The following STAB1 variants were observed in gnomAD, a reference collection of about 807,000 sequenced individuals.
STAB1 encodes the protein stabilin-1.
STAB1 carries 250 observed loss-of-function variants against 332.4 expected under a neutral mutation model. The observed-to-expected ratio is 0.75, with a 90% CI of 0.68 to 0.84. The LOEUF (loss-of-function observed/expected upper bound fraction) is 0.84, where lower values mean the gene tolerates loss of function less well. STAB1 is among the 40% of genes least tolerant of loss of function. STAB1 has a pLI of 0.00. For missense variants in STAB1, 3,249 were observed against 3,489.7 expected, an observed-to-expected ratio of 0.93 and a Z score of 1.74; for synonymous variants, 1,475 against 1,390.4, an observed-to-expected ratio of 1.06 and a Z score of -1.35.
At chr3:52,520,621 A>C in intron 53 of STAB1, 21 bp from the exon 54 acceptor site, 1 of 1,610,698 alleles carries the variant, frequency 6.2e-7, no homozygotes, top group South Asian at 1.1e-5. Flanking sequence ...ACTTTGCTGT[A>C]TTGGCCTCCC....
chr3:52,509,474 G>A, intron 22 of STAB1, 153 bp downstream of exon 22: 2 of 673,692 alleles, frequency 3.0e-6, no homozygotes, highest in South Asian at 3.9e-5. Flanking sequence ...GGGTCTGGGG[G>A]CTCTCAAGAA....
chr3:52,504,972 G>A, intron 12 of STAB1, 31 bp from the exon 13 acceptor site: 6 of 1,613,086 alleles, frequency 3.7e-6, no homozygotes, highest in Non-Finnish European at 4.2e-6. Flanking sequence ...CTGGCATATG[G>A]GATCTGGCCA....
chr3:52,519,607 C>G (rs752607237), intron 50 of STAB1, 43 bp downstream of exon 50: 1 of 1,570,894 alleles, frequency 6.4e-7, no homozygotes, highest in Admixed American at 1.8e-5. Context: ...CACACATGCA[C>G]GTGTAAGTGT....
At position 52,509,334 on chromosome 3, in the gene STAB1, G is replaced by C; in HGVS notation, c.2347+13G>C. The C allele has an allele frequency of 6.2e-7, 1 of 1,610,898 alleles. No homozygotes were observed. Among genetic ancestry groups the C allele is most frequent in the Non-Finnish European group, 8.5e-7 (1 of 1,178,250 alleles). ...CAATGCCAGGAAGGTGGGTGGTCCT[G>C]GCTCAGGCCACCTCCTAGGGAGAAA... On this transcript the variant is annotated intron_variant, in intron 22 of 68. Transcript: ENST00000321725.
rs748371625 is a variant in STAB1, at chr3:52,514,974, C to G, written c.3808-15C>G. 6.2e-6 allele frequency: 10 copies of G among 1,613,402 alleles called. No individual in the cohort carries two copies. The highest frequency in any genetic ancestry group is 2.2e-5 in the South Asian group (2 of 91,072). On this transcript the variant is annotated splice_polypyrimidine_tract_variant and intron_variant, in intron 35 of 68. Transcript: ENST00000321725. Reference sequence around the variant, plus strand: ...AGGCCTGGACTGCCTGATGCCCCACCCTTTTTCCCTCTAGGAGAAATGTGT... The same window carrying G: ...AGGCCTGGACTGCCTGATGCCCCACGCTTTTTCCCTCTAGGAGAAATGTGT...
Position 52,503,815 on chromosome 3 carries a change from A to T in STAB1, c.935A>T (p.Asn312Ile). 6.2e-7 allele frequency: 1 copy of T among 1,613,186 alleles called. No individual in the cohort carries two copies. The highest frequency in any genetic ancestry group is 8.5e-7 in the Non-Finnish European group (1 of 1,180,006). ...CCAGGCCTGGTCAGCATCAACAGCA[A>T]CGCTTCTGCGGGCTGCTTCGCCTTC... ...CRPGLVSINS[N>I]ASAGCFAFCS... Residue 312 changes from asparagine (N) to isoleucine (I), a missense_variant, in exon 9 of 69, where the codon AAC becomes ATC. By Grantham distance (149) the Asn-to-Ile change is moderately radical. Coordinates refer to ENST00000321725, the MANE Select transcript of STAB1 (RefSeq NM_015136.3).
Position 52,516,201 on chromosome 3 carries a change from G to A in STAB1, c.4107G>A (p.Val1369=). The A allele has an allele frequency of 1.2e-6, 2 of 1,612,508 alleles. No homozygotes were observed. Among genetic ancestry groups the A allele is most frequent in the South Asian group, 1.1e-5 (1 of 91,068 alleles). ...HEGFHGTACE[V]CELGRYGPNC... is the part of the protein sequence containing the mutation. ...GCTTCCATGGAACGGCCTGTGAGGT[G>A]TGTGAGCTGGGCCGCTACGGGCCCA... Residue 1369 remains valine (V), a synonymous_variant, in exon 38 of 69, where the codon GTG becomes GTA. Transcript: ENST00000321725.
At position 52,503,813 on chromosome 3, in the gene STAB1, C is replaced by T; in HGVS notation, c.933C>T (p.Ser311=). ...GGCCAGGCCTGGTCAGCATCAACAG[C>T]AACGCTTCTGCGGGCTGCTTCGCCT... is the stretch of plus-strand genomic sequence containing the variant. ...TCRPGLVSIN[S]NASAGCFAFC... is the part of the protein sequence containing the mutation. Residue 311 remains serine (S), a synonymous_variant, in exon 9 of 69, where the codon AGC becomes AGT. Coordinates refer to ENST00000321725, the MANE Select transcript of STAB1 (RefSeq NM_015136.3). 8 of 1,613,266 alleles carry T rather than the reference C, an allele frequency of 5.0e-6. No homozygotes were observed. Among genetic ancestry groups the T allele is most frequent in the Non-Finnish European group, 5.9e-6 (7 of 1,180,038 alleles).
At chr3:52,508,704 C>T (rs960510828) in intron 21 of STAB1, among the ~76,000 whole-genome samples, 2 of 152,044 alleles carry the variant, frequency 1.3e-5, no homozygotes, top group African/African-American at 4.8e-5. Context: ...CACCTGTAAT[C>T]CCAGCTACTC....
chr3:52,502,176 A>T lies in STAB1; in HGVS notation c.435A>T (p.Ser145=). 1 of 1,613,416 alleles carries T rather than the reference A, an allele frequency of 6.2e-7. No individual in the cohort carries two copies. Among genetic ancestry groups the T allele is most frequent in the Non-Finnish European group, 8.5e-7 (1 of 1,180,000 alleles). The part of the protein sequence containing the change: ...TCVCQENFRG[S]ACQECQDPNR... The stretch of plus-strand genomic sequence containing the variant: ...ACCACCAGGAAAACTTCCGCGGCTC[A>T]GCCTGCCAGGAGTGCCAAGACCCCA... The change falls in exon 5 of 69, where the codon TCA becomes TCT. Residue 145 remains serine (S), a synonymous_variant. Transcript: ENST00000321725.
At chr3:52,506,877 C>T in intron 18 of STAB1, 27 bp downstream of exon 18, 2 of 1,609,610 alleles carry the variant, frequency 1.2e-6, no homozygotes, top group Non-Finnish European at 1.7e-6. Flanking sequence ...CGGCCAGGGC[C>T]CTACTCACTA....
rs35325270 is a variant in STAB1 at position 52,522,353 on chromosome 3, C to T, written c.6489C>T (p.His2163=). The change falls in exon 60 of 69, where the codon CAC becomes CAT. Residue 2163 remains histidine, a synonymous_variant. Coordinates refer to ENST00000321725, the MANE Select transcript of STAB1 (RefSeq NM_015136.3). ...AGAACACACGGCGCTGTGAGTGCCA[C>T]GCAGGCTACGTAGGCGATGGACTGC... ...TGLNTRRCEC[H]AGYVGDGLQC... is the part of the protein sequence containing the mutation. 0.091 allele frequency: 146,188 copies of T among 1,612,868 alleles called. 9,540 individuals carry two copies. Among genetic ancestry groups the T allele is most frequent in the African/African-American group, 0.34 (25,127 of 74,962 alleles).
At position 52,512,375 on chromosome 3, in the gene STAB1, T is replaced by C. The variant is rs751712517; in HGVS notation, c.2918T>C (p.Val973Ala). ...TCRAVGGGQR[V>A]CTCPPGFGGD... The stretch of plus-strand genomic sequence containing the variant: ...CGGGCAGTGGGGGGAGGTCAGCGGG[T>C]CTGCACGTGCCCCCCTGGCTTTGGG... The change falls in exon 27 of 69, where the codon GTC becomes GCC. Residue 973 changes from valine (V) to alanine (A), a missense_variant. Val to Ala is a moderately conservative substitution (Grantham distance 64). Transcript: ENST00000321725. The C allele has an allele frequency of 6.2e-7, 1 of 1,611,960 alleles. No homozygotes were observed. Among genetic ancestry groups the C allele is most frequent in the Non-Finnish European group, 8.5e-7 (1 of 1,179,406 alleles).
rs1341656463 is a variant in STAB1, at chr3:52,513,721, T to A, written c.3275T>A (p.Val1092Asp). ...RWEIRNISGR[V>D]WVQNASVDVA... The stretch of plus-strand genomic sequence containing the variant: ...AGCTCTGCTGCTGCCTTCCAGAGGG[T>A]CTGGGTGCAGAATGCCAGCGTGGAT... Residue 1092 changes from valine to aspartate, a missense_variant, in exon 31 of 69, where the codon GTC (valine) becomes GAC (aspartate). Transcript: ENST00000321725. 6.2e-7 allele frequency: 1 copy of A among 1,612,878 alleles called. No individual in the cohort carries two copies. The highest frequency in any genetic ancestry group is 8.5e-7 in the Non-Finnish European group (1 of 1,179,898).
In STAB1 at chr3:52,504,820, C is replaced by T. The variant is rs754100433; in HGVS notation, c.1321C>T (p.Arg441Ter). 14 of 1,613,750 alleles carry T rather than the reference C, an allele frequency of 8.7e-6. No individual in the cohort carries two copies. The highest frequency in any genetic ancestry group is 1.3e-5 in the African/African-American group (1 of 74,926). ...ILEDTRTQQT[R>*]RWWTLAGQEI... is the part of the protein sequence containing the mutation. ...GGAGGACACAAGGACCCAACAAACACGAAGGTGGTGGACGCTGGCCGGGCA... is the reference window on the plus strand; with the variant it reads ...GGAGGACACAAGGACCCAACAAACATGAAGGTGGTGGACGCTGGCCGGGCA... Residue 441 changes from arginine to a stop codon, truncating the protein, a stop_gained, in exon 12 of 69, where the codon CGA becomes TGA. Transcript: ENST00000321725. LOFTEE classifies it high-confidence loss of function.
In STAB1 at chr3:52,521,535, G is replaced by A. The variant is rs369129954; in HGVS notation, c.6058+25G>A. 68 of 1,613,792 alleles carry A rather than the reference G, an allele frequency of 4.2e-5. No homozygotes were observed. In the Admixed American group the frequency reaches 4.7e-4, roughly 11 times the overall value. Reference sequence around the variant, plus strand: ...GGTGGGCCATCCCTGCCTGCCCCACGGCCCGATTCCTTTGGCCCTTGTGGG... The same window carrying A: ...GGTGGGCCATCCCTGCCTGCCCCACAGCCCGATTCCTTTGGCCCTTGTGGG... On this transcript the variant is annotated intron_variant, in intron 56 of 68. Transcript: ENST00000321725.
At chr3:52,515,928 G>A (rs1402100646) in intron 37 of STAB1, 115 bp from the exon 38 acceptor site, 1 of 1,172,914 alleles carries the variant, frequency 8.5e-7, no homozygotes, top group Non-Finnish European at 1.2e-6. Context: ...CCCTGGGACT[G>A]GGGTTCTGAG....
rs940543905 is a variant in STAB1 at position 52,520,883 on chromosome 3, T to C, written c.5786T>C (p.Val1929Ala). The change falls in exon 55 of 69, where the codon GTC becomes GCC. Residue 1929 changes from valine (V) to alanine (A), a missense_variant. Physicochemically the swap from Val to Ala is moderately conservative, Grantham distance 64 (BLOSUM62 0). Coordinates refer to ENST00000321725, the MANE Select transcript of STAB1 (RefSeq NM_015136.3). ...PPLHSLGLRS[V>A]WVHPSLWGRP... ...CTGCACTCTTTGGGATTACGCAGCG[T>C]CTGGGTCCACCCCAGCCTTTGGGGT... 2 of 1,612,028 alleles carry C rather than the reference T, an allele frequency of 1.2e-6. No individual in the cohort carries two copies. Among genetic ancestry groups the C allele is most frequent in the Non-Finnish European group, 8.5e-7 (1 of 1,179,654 alleles).
chr3:52,501,356 G>A, intron 2 of STAB1, 54 bp downstream of exon 2: 2 of 1,590,548 alleles, frequency 1.3e-6, no homozygotes, highest in Non-Finnish European at 1.7e-6. Flanking sequence ...TGGGGTGGCA[G>A]GGACTCGGGG....
Sources: gnomAD v4.1 joint callset for allele counts (sites outside exome capture counted in the v4.1 genomes callset) on GRCh38, gnomAD v4.1.1 for gene constraint, MANE v1.5 for transcripts, NCBI Gene and HGNC (gene_info 2026-07-23, HGNC 2026-07-21) for gene names.